COL5A2: variants seen among roughly 807,000 people sequenced by gnomAD.
The protein encoded by COL5A2 is collagen alpha-2(V) chain.
A neutral mutation model predicts 208.2 loss-of-function variants in COL5A2; 23 were observed. That is an observed-to-expected ratio of 0.11 (90% CI 0.08 to 0.16). COL5A2 has a LOEUF of 0.16. Ranked by LOEUF, COL5A2 falls within the 10% of genes least tolerant of loss-of-function variation. The pLI, the probability that COL5A2 is intolerant of heterozygous loss-of-function variation, is 1.00. For missense variants in COL5A2, 1,590 were observed against 1,956.4 expected (o/e 0.81, Z 3.53); for synonymous variants, 625 against 628.5 (o/e 0.99, Z 0.08).
chr2:189,212,227 C>A (rs1689221683), intron 1 of COL5A2, among the ~76,000 whole-genome samples: 1 of 152,182 alleles, frequency 6.6e-6, no homozygotes, highest in African/African-American at 2.4e-5. Flanking sequence ...TCCACTGCCA[C>A]CTCTATACCT....
In COL5A2 at chr2:189,171,538, T is replaced by C. The variant is rs112162510; in HGVS notation, c.97+7970A>G. On this transcript the variant is annotated intron_variant, in intron 1 of 53. Coordinates refer to ENST00000374866, the MANE Select transcript of COL5A2 (RefSeq NM_000393.5). ...TAAAATGGTAGATCTTAGTGAACGA[T>C]TGGAATTGTGCTGATTGAATGACTG... is the stretch of plus-strand genomic sequence containing the variant. 4.6e-4 allele frequency among the ~76,000 whole-genome samples: 70 copies of C among 152,278 alleles called. 1 individual carries two copies. The highest frequency in any genetic ancestry group is 1.5e-3 in the African/African-American group (61 of 41,536).
chr2:189,194,145 G>A (rs1158672711), intron 1 of COL5A2, among the ~76,000 whole-genome samples: 3 of 151,988 alleles, frequency 2.0e-5, no homozygotes, highest in Admixed American at 6.6e-5. Context: ...AGTTATTTGG[G>A]GTCCTCAATA....
chr2:189,304,232 C>A, the COL5A2 span, among the ~76,000 whole-genome samples: 1 of 151,920 alleles, frequency 6.6e-6, no homozygotes, highest in African/African-American at 2.4e-5. Context: ...ATCATTTTAC[C>A]AAAAATAACA....
intron 1 of COL5A2, among the ~76,000 whole-genome samples, chr2:189,167,757 G>A (rs1204974279): frequency 6.7e-6 from 1 of 149,834 alleles, no homozygotes; most frequent in South Asian, 2.1e-4. Context: ...CCAGAGCAAT[G>A]CAGAGTGGAA....
chr2:189,162,440 C>T (rs1260739180), intron 1 of COL5A2, among the ~76,000 whole-genome samples: 2 of 152,124 alleles, frequency 1.3e-5, no homozygotes, highest in Non-Finnish European at 2.9e-5. Context: ...TTGAATTTGT[C>T]AGAATCATCC....
chr2:189,236,441 A>T, the COL5A2 span, among the ~76,000 whole-genome samples: 6 of 151,824 alleles, frequency 4.0e-5, no homozygotes, highest in Admixed American at 3.9e-4. Flanking sequence ...CTAAATATTG[A>T]CAAATAGTTT....
Position 189,036,807 on chromosome 2 carries a change from T to G in COL5A2, c.3926-4A>C, listed in dbSNP as rs1685452314. On this transcript the variant is annotated splice_polypyrimidine_tract_variant and splice_region_variant and intron_variant, in intron 51 of 53. Coordinates refer to ENST00000374866, the MANE Select transcript of COL5A2 (RefSeq NM_000393.5). ...TTAGGATCAATCCAGTATTCACCTA[T>G]TTTTCAAAATAGAAATTTTACTAAA... The G allele has an allele frequency of 2.5e-6, 4 of 1,605,320 alleles. No individual in the cohort carries two copies. Among genetic ancestry groups the G allele is most frequent in the Non-Finnish European group, 2.6e-6 (3 of 1,174,008 alleles).
the COL5A2 span, among the ~76,000 whole-genome samples, chr2:189,343,918 G>C: frequency 6.6e-6 from 1 of 152,134 alleles, no homozygotes; most frequent in African/African-American, 2.4e-5. Context: ...AATGTATGCT[G>C]ACAACTCCAA....
At chr2:189,389,039 T>G in the COL5A2 span, among the ~76,000 whole-genome samples, 1 of 152,212 alleles carries the variant, frequency 6.6e-6, no homozygotes, top group South Asian at 2.1e-4. Flanking sequence ...CCGGTTCTAA[T>G]GTTCTATTAG....
intron 30 of COL5A2, among the ~76,000 whole-genome samples, chr2:189,061,119 G>A (rs183523138): frequency 3.3e-5 from 5 of 152,140 alleles, no homozygotes; most frequent in Admixed American, 2.0e-4. Context: ...TTTAAAGTCA[G>A]TCCAGAAAGT....
chr2:189,050,184 C>A (rs1179262691), intron 43 of COL5A2, among the ~76,000 whole-genome samples: 1 of 152,240 alleles, frequency 6.6e-6, no homozygotes, highest in East Asian at 1.9e-4. Flanking sequence ...CTATGTCTTC[C>A]CTTTGATGGT....
At chr2:189,215,337 A>T (rs527897344) in intron 1 of COL5A2, among the ~76,000 whole-genome samples, 1 of 152,270 alleles carries the variant, frequency 6.6e-6, no homozygotes, top group South Asian at 2.1e-4. Context: ...CACTAAGCAG[A>T]AGTGTCTATT....
At chr2:189,184,307 A>C (rs1688819706), upstream of COL5A2, among the ~76,000 whole-genome samples, 1 of 152,050 alleles carries the variant, frequency 6.6e-6, no homozygotes, top group African/African-American at 2.4e-5. Flanking sequence ...AGAAAAGAAG[A>C]CATTTCAAGC....
chr2:189,069,314 A>C (rs1004048055), intron 18 of COL5A2, among the ~76,000 whole-genome samples: 9 of 152,218 alleles, frequency 5.9e-5, no homozygotes, highest in African/African-American at 2.2e-4. Flanking sequence ...CTCAAAGAAT[A>C]AGATAGTCTT....
At chr2:189,290,144 G>C in the COL5A2 span, among the ~76,000 whole-genome samples, 4 of 152,130 alleles carry the variant, frequency 2.6e-5, no homozygotes, top group Non-Finnish European at 5.9e-5. Context: ...ATAAACCAAA[G>C]GAACAGAATA....
At chr2:189,035,880 T>A (rs911680243) in intron 52 of COL5A2, among the ~76,000 whole-genome samples, 6 of 152,052 alleles carry the variant, frequency 3.9e-5, no homozygotes. Context: ...GAATGAAATA[T>A]TCACATTGCA....
chr2:189,180,729 A>T (rs530111177), upstream of COL5A2, among the ~76,000 whole-genome samples: 112 of 152,350 alleles, frequency 7.4e-4, no homozygotes, highest in Middle Eastern at 3.4e-3. Flanking sequence ...AGATGGTGGT[A>T]TTATTAGCTT....
chr2:189,160,864 C>G (rs563835249), intron 1 of COL5A2, among the ~76,000 whole-genome samples: 232 of 121,122 alleles, frequency 1.9e-3, no homozygotes, highest in Non-Finnish European at 3.1e-3. Flanking sequence ...GAGTTTCACT[C>G]TTGTTGCCCA....
intron 1 of COL5A2, among the ~76,000 whole-genome samples, chr2:189,139,277 AAAAT>A (rs1432557951): frequency 6.6e-6 from 1 of 152,190 alleles, no homozygotes; most frequent in Non-Finnish European, 1.5e-5. Flanking sequence ...CTCCCTCTCA[AAAAT>A]AAATAAATTA....
Sources: gnomAD v4.1 joint callset for allele counts (sites outside exome capture counted in the v4.1 genomes callset) on GRCh38, gnomAD v4.1.1 for gene constraint, MANE v1.5 for transcripts, NCBI Gene and HGNC (gene_info 2026-07-23, HGNC 2026-07-21) for gene names.